YLPM1: variants seen among roughly 807,000 people sequenced by gnomAD.
YLPM1 encodes the protein YLP motif-containing protein 1.
Under a neutral mutation model 230.0 loss-of-function variants are expected in YLPM1, and 99 were observed. That is an observed-to-expected ratio of 0.43 (90% CI 0.37 to 0.51). The LOEUF is 0.51. Among genes scored for constraint, YLPM1 ranks in the 20% least tolerant of loss-of-function variants. YLPM1 has a pLI of 0.00. For missense variants in YLPM1, 2,592 were observed against 2,707.7 expected, an observed-to-expected ratio of 0.96 and a Z score of 0.95; for synonymous variants, 984 against 942.5, an observed-to-expected ratio of 1.04 and a Z score of -0.81.
At chr14:74,793,253 CTTCA>C (rs1310049118) in intron 4 of YLPM1, among the ~76,000 whole-genome samples, 1 of 152,022 alleles carries the variant, frequency 6.6e-6, no homozygotes, top group Non-Finnish European at 1.5e-5. Flanking sequence ...TGTGCTATTT[CTTCA>C]TTCATTTTTT....
chr14:74,787,626 T>C (rs2091162669), intron 4 of YLPM1, among the ~76,000 whole-genome samples: 1 of 151,980 alleles, frequency 6.6e-6, no homozygotes, highest in Non-Finnish European at 1.5e-5. Context: ...GATCTCAGTA[T>C]AGTAGAAAAG....
At chr14:74,767,076 G>A (rs1012528629) in intron 1 of YLPM1, among the ~76,000 whole-genome samples, 1 of 151,676 alleles carries the variant, frequency 6.6e-6, no homozygotes, top group Non-Finnish European at 1.5e-5. Flanking sequence ...TAGAGACGGG[G>A]TTTCACCATG....
chr14:74,786,896 G>T (rs918536565), intron 4 of YLPM1, among the ~76,000 whole-genome samples: 28 of 152,088 alleles, frequency 1.8e-4, no homozygotes, highest in African/African-American at 6.8e-4. Context: ...CAAAGTGGTT[G>T]TTTCAGTTTA....
intron 11 of YLPM1, 100 bp from the exon 12 acceptor site, chr14:74,816,103 A>G (rs1226316474): frequency 2.8e-6 from 3 of 1,061,042 alleles, no homozygotes; most frequent in African/African-American, 1.6e-5. Context: ...CCTGTTGTAT[A>G]GTCTATCCTG....
In YLPM1 at chr14:74,763,450, G is replaced by A; in HGVS notation, c.-40G>A. ...GGCTCCTGGAGGTCGGTTGCGACGA[G>A]TAACGGCGCCAGGACGAGCCCTGCG... is the stretch of plus-strand genomic sequence containing the variant. On this transcript the variant is annotated 5_prime_UTR_variant, in exon 1 of 21. Coordinates refer to ENST00000325680, the MANE Select transcript of YLPM1 (RefSeq NM_019589.3). 1 of 1,377,226 alleles carries A rather than the reference G, an allele frequency of 7.3e-7. No homozygotes were observed. The highest frequency in any genetic ancestry group is 9.5e-7 in the Non-Finnish European group (1 of 1,057,546). The allele number at this position is 1,377,226 out of a possible 1,614,324, so 85.3% of individuals were successfully genotyped here. A position where few individuals can be genotyped will look rare whatever the true frequency, so the allele number is the denominator to read the frequency against.
At chr14:74,826,323 C>T (rs963433821) in intron 18 of YLPM1, among the ~76,000 whole-genome samples, 3 of 152,056 alleles carry the variant, frequency 2.0e-5, no homozygotes, top group African/African-American at 4.8e-5. Context: ...GATCTTGTGT[C>T]GGATCTTGTA....
chr14:74,798,545 T>C lies in YLPM1; in HGVS notation c.3248T>C (p.Leu1083Ser). ...NRGEGSRDRGLVRPGSSREKV... is the reference protein window; with the variant it reads ...NRGEGSRDRGSVRPGSSREKV... ...GGAGAAGGTAGCCGGGACAGAGGGTTGGTGAGGCCTGGAAGCAGTCGGGAG... is the reference window on the plus strand; with the variant it reads ...GGAGAAGGTAGCCGGGACAGAGGGTCGGTGAGGCCTGGAAGCAGTCGGGAG... The change falls in exon 5 of 21, where the codon TTG becomes TCG. Residue 1083 changes from leucine to serine, a missense_variant. Coordinates refer to ENST00000325680, the MANE Select transcript of YLPM1 (RefSeq NM_019589.3). 6.2e-7 allele frequency: 1 copy of C among 1,613,646 alleles called. No homozygotes were observed. The highest frequency in any genetic ancestry group is 8.5e-7 in the Non-Finnish European group (1 of 1,179,822).
intron 4 of YLPM1, 92 bp downstream of exon 4, chr14:74,782,417 T>C (rs753780862): frequency 8.7e-6 from 12 of 1,387,084 alleles, no homozygotes; most frequent in Non-Finnish European, 1.0e-5. Flanking sequence ...GCTTCATTTA[T>C]ACAATGTTTA....
Position 74,799,359 on chromosome 14 carries a change from A to G in YLPM1, c.4062A>G (p.Glu1354=). 1 of 1,614,036 alleles carries G rather than the reference A, an allele frequency of 6.2e-7. No homozygotes were observed. The highest frequency in any genetic ancestry group is 8.5e-7 in the Non-Finnish European group (1 of 1,179,894). Residue 1354 remains glutamate, a synonymous_variant, in exon 5 of 21, where the codon GAA becomes GAG. Coordinates refer to ENST00000325680, the MANE Select transcript of YLPM1 (RefSeq NM_019589.3). ...DRYRDDRWRE[E]RNREHGYDRD... ...ATCGGGATGATAGATGGAGAGAAGA[A>G]AGAAATCGAGAGCATGGGTATGATC...
At chr14:74,831,218 C>T (rs544527790) in intron 19 of YLPM1, among the ~76,000 whole-genome samples, 4 of 152,220 alleles carry the variant, frequency 2.6e-5, no homozygotes, top group Non-Finnish European at 5.9e-5. Flanking sequence ...TTCTCAGTGC[C>T]TTAATGTGCT....
intron 4 of YLPM1, among the ~76,000 whole-genome samples, chr14:74,788,908 A>G (rs1422749070): frequency 1.3e-5 from 2 of 152,212 alleles, no homozygotes; most frequent in East Asian, 1.9e-4. Context: ...TATTTCTTTA[A>G]CCTTTTATTT....
At chr14:74,826,310 G>A (rs2091561624) in intron 18 of YLPM1, among the ~76,000 whole-genome samples, 1 of 152,146 alleles carries the variant, frequency 6.6e-6, no homozygotes, top group African/African-American at 2.4e-5. Context: ...TCTAAAACAT[G>A]AGGATCTTGT....
intron 19 of YLPM1, among the ~76,000 whole-genome samples, chr14:74,833,832 C>G (rs373177469): frequency 8.5e-5 from 13 of 152,122 alleles, no homozygotes; most frequent in African/African-American, 2.9e-4. Flanking sequence ...AATTAGTGTA[C>G]ATTAGAGCAA....
At position 74,781,392 on chromosome 14, in the gene YLPM1, A is replaced by G. The variant is rs1441199141; in HGVS notation, c.1349A>G (p.His450Arg). The change falls in exon 4 of 21, where the codon CAT becomes CGT. Residue 450 changes from histidine (H) to arginine (R), a missense_variant. Physicochemically the swap from His to Arg is conservative, Grantham distance 29 (BLOSUM62 0). Transcript: ENST00000325680. The part of the protein sequence containing the change: ...HYEMQQQQFQ[H>R]LYQEWEREFQ... ...GAGATGCAGCAGCAACAGTTTCAAC[A>G]TCTTTACCAAGAATGGGAGCGAGAG... The G allele has an allele frequency of 6.3e-7, 1 of 1,593,738 alleles. No individual in the cohort carries two copies. The highest frequency in any genetic ancestry group is 1.1e-5 in the South Asian group (1 of 88,370).
Position 74,798,687 on chromosome 14 carries a change from T to C in YLPM1, c.3390T>C (p.Ser1130=), listed in dbSNP as rs2091290633. 6.2e-7 allele frequency: 1 copy of C among 1,608,338 alleles called. No homozygotes were observed. The highest frequency in any genetic ancestry group is 8.5e-7 in the Non-Finnish European group (1 of 1,177,520). ...GGGGACCTCTTCGAAGGGCTGGGAGTAGAGAGAGAATACCACCCCGAAGAG... is the reference window on the plus strand; with the variant it reads ...GGGGACCTCTTCGAAGGGCTGGGAGCAGAGAGAGAATACCACCCCGAAGAG... ...QERGPLRRAG[S]RERIPPRRAG... Residue 1130 remains serine (S), a synonymous_variant, in exon 5 of 21, where the codon AGT becomes AGC. Transcript: ENST00000325680.
intron 1 of YLPM1, among the ~76,000 whole-genome samples, chr14:74,777,303 C>T (rs552628521): frequency 1.3e-5 from 2 of 152,040 alleles, no homozygotes; most frequent in East Asian, 3.9e-4. Flanking sequence ...CGGTGGCTCA[C>T]ACCTGTAATC....
intron 4 of YLPM1, among the ~76,000 whole-genome samples, chr14:74,783,552 A>G (rs2091116410): frequency 6.6e-6 from 1 of 152,252 alleles, no homozygotes; most frequent in East Asian, 1.9e-4. Flanking sequence ...CAGAAATGGG[A>G]TCATACTGAG....
chr14:74,767,384 C>T (rs1030275245), intron 1 of YLPM1, among the ~76,000 whole-genome samples: 5 of 152,118 alleles, frequency 3.3e-5, no homozygotes, highest in African/African-American at 1.2e-4. Flanking sequence ...CAGTCTGTTC[C>T]CAAACAATGT....
In YLPM1 at chr14:74,781,680, T is replaced by C. The variant is rs774505850; in HGVS notation, c.1637T>C (p.Val546Ala). Residue 546 changes from valine to alanine, a missense_variant, in exon 4 of 21, where the codon GTG (valine) becomes GCG (alanine). Physicochemically the swap from Val to Ala is moderately conservative, Grantham distance 64. Transcript: ENST00000325680. ...PVLPPSLPPP[V>A]MPPALPATVP... Reference sequence around the variant, plus strand: ...TTGCCTCCTTCATTGCCACCACCAGTGATGCCCCCTGCCCTCCCTGCTACA... The same window carrying C: ...TTGCCTCCTTCATTGCCACCACCAGCGATGCCCCCTGCCCTCCCTGCTACA... The C allele has an allele frequency of 6.2e-7, 1 of 1,612,154 alleles. No homozygotes were observed.
Sources: allele counts gnomAD v4.1 joint callset (sites outside exome capture counted in the v4.1 genomes callset), GRCh38; gene constraint gnomAD v4.1.1; transcripts MANE v1.5; gene names NCBI Gene and HGNC (gene_info 2026-07-23, HGNC 2026-07-21).